The following RFX2 variants were observed in gnomAD, a reference collection of about 807,000 sequenced individuals.
The protein encoded by RFX2 is regulatory factor X2, also known as DNA-binding protein RFX2.
Under a neutral mutation model 87.8 loss-of-function variants are expected in RFX2, and 20 were observed. The observed-to-expected ratio is 0.23, with a 90% CI of 0.16 to 0.33. RFX2 has a LOEUF of 0.33. Ranked by LOEUF, RFX2 falls within the 10% of genes least tolerant of loss-of-function variation. RFX2 has a pLI of 1.00. For synonymous variants in RFX2, 397 were observed against 431.3 expected (o/e 0.92, Z 0.98); for missense variants, 767 against 1,012.3 (o/e 0.76, Z 3.29).
intron 9 of RFX2, among the ~76,000 whole-genome samples, chr19:6,009,416 G>A (rs2086632187): frequency 6.6e-6 from 1 of 152,046 alleles, no homozygotes; most frequent in Non-Finnish European, 1.5e-5. Flanking sequence ...TAAGCCAGCT[G>A]GGGAAGAACG....
At chr19:6,069,972 T>G (rs1270608346) in intron 1 of RFX2, among the ~76,000 whole-genome samples, 8 of 107,724 alleles carry the variant, frequency 7.4e-5, no homozygotes, top group South Asian at 3.0e-4. Flanking sequence ...GACTTGCAAG[T>G]GGATGTTCTT....
chr19:6,043,832 G>A (rs1392172498), intron 3 of RFX2, among the ~76,000 whole-genome samples: 1 of 152,292 alleles, frequency 6.6e-6, no homozygotes, highest in Non-Finnish European at 1.5e-5. Context: ...TGTTGTGCCC[G>A]CATCTGAGGG....
In RFX2 at chr19:6,044,136, G is replaced by T; in HGVS notation, c.180+57C>A. 9.9e-7 allele frequency: 1 copy of T among 1,012,108 alleles called. No individual in the cohort carries two copies. Among genetic ancestry groups the T allele is most frequent in the Non-Finnish European group, 1.3e-6 (1 of 748,024 alleles). 62.7% of individuals were successfully genotyped at this position (1,012,108 alleles called of 1,614,324 possible). A position where few individuals can be genotyped will look rare whatever the true frequency, so the allele number is the denominator to read the frequency against. ...GATGCATCCTTCAGAGATTGTTCTG[G>T]ATTGCTGAGTGCTAACTGCGCCCCG... On this transcript the variant is annotated intron_variant, in intron 3 of 17. Transcript: ENST00000303657. The surrounding 1 kb of genome is among the most constrained non-coding windows in gnomAD (Gnocchi z 5.3).
At chr19:6,028,719 AG>A (rs965958361) in intron 5 of RFX2, among the ~76,000 whole-genome samples, 1 of 152,008 alleles carries the variant, frequency 6.6e-6, no homozygotes, top group Non-Finnish European at 1.5e-5. Flanking sequence ...AAAAAAAAAA[AG>A]ATGAAACTTG....
Position 6,083,548 on chromosome 19 carries a change from G to GT in RFX2, c.-9+26844dup, listed in dbSNP as rs66503447. Among the ~76,000 whole-genome samples the GT allele has an allele frequency of 0.037, 5,371 of 143,524 alleles. 270 individuals are homozygous for GT. Among genetic ancestry groups the GT allele is most frequent in the African/African-American group, 0.12 (4,635 of 39,250 alleles). 94.2% of individuals were successfully genotyped at this position (143,524 alleles called of 152,430 possible). ...TGTGCTAGATGTAGTCTGCTGACCCGTTTTTTTTTTTTTTAATTTTTATTC... is the reference window on the plus strand; with the variant it reads ...TGTGCTAGATGTAGTCTGCTGACCCGTTTTTTTTTTTTTTTAATTTTTATTC... On this transcript the variant is annotated intron_variant, in intron 1 of 17. Transcript: ENST00000303657. The surrounding 1 kb of genome is among the most constrained non-coding windows in gnomAD (Gnocchi z 4.6).
At chr19:6,084,589 A>T (rs1157764127) in intron 1 of RFX2, among the ~76,000 whole-genome samples, 1 of 149,440 alleles carries the variant, frequency 6.7e-6, no homozygotes, top group Non-Finnish European at 1.5e-5. Flanking sequence ...GACTCTAGGG[A>T]CCTCCTAGGG....
In RFX2 at chr19:6,002,947, G is replaced by T; in HGVS notation, c.1501-77C>A. On this transcript the variant is annotated intron_variant, in intron 13 of 17. Transcript: ENST00000303657. This position sits in a 1 kb window ranked among gnomAD's most constrained non-coding sequence, Gnocchi z 6.7. ...GCTGCGCTCCTTGCAGGGGTGTGTG[G>T]GCTCAGGGACAACACAGGGAGGAGG... 2.7e-6 allele frequency: 4 copies of T among 1,495,184 alleles called. No individual in the cohort carries two copies. Among genetic ancestry groups the T allele is most frequent in the Non-Finnish European group, 3.6e-6 (4 of 1,111,594 alleles). The allele number at this position is 1,495,184 out of a possible 1,614,324, so 92.6% of individuals were successfully genotyped here. A position where few individuals can be genotyped will look rare whatever the true frequency, so the allele number is the denominator to read the frequency against.
intron 1 of RFX2, among the ~76,000 whole-genome samples, chr19:6,060,914 C>T (rs1021234402): frequency 3.9e-5 from 6 of 152,170 alleles, no homozygotes; most frequent in African/African-American, 7.2e-5. Flanking sequence ...CACCTGACTC[C>T]GGCTCCCTTC....
chr19:6,104,968 A>G (rs1300256505), intron 1 of RFX2, among the ~76,000 whole-genome samples: 1 of 151,842 alleles, frequency 6.6e-6, no homozygotes, highest in Non-Finnish European at 1.5e-5. Flanking sequence ...AAATACAACA[A>G]TTAGCTGAGC....
rs776608358 is a variant in RFX2 at position 6,013,045 on chromosome 19, C to T, written c.840G>A (p.Arg280=). ...IRLKPDSPLN[R]LQEDTQYMAM... ...CCATGTACTGCGTGTCCTCCTGCAG[C>T]CGGTTCAGTGGTGAGTCCGGCTTCA... is the stretch of plus-strand genomic sequence containing the variant. The change falls in exon 8 of 18, where the codon CGG becomes CGA. Residue 280 remains arginine (R), a synonymous_variant. Transcript: ENST00000303657. This position sits in a 1 kb window ranked among gnomAD's most constrained non-coding sequence, Gnocchi z 4.1. 2.5e-6 allele frequency: 4 copies of T among 1,602,352 alleles called. 1 individual carries two copies. In the South Asian group the frequency reaches 3.4e-5, roughly 13 times the overall value.
chr19:6,040,199 G>A lies in RFX2; in HGVS notation c.303C>T (p.Ala101=). The A allele has an allele frequency of 6.3e-7, 1 of 1,589,956 alleles. No individual in the cohort carries two copies. The highest frequency in any genetic ancestry group is 8.6e-7 in the Non-Finnish European group (1 of 1,161,696). ...YTYNPEPQMY[A]PSSTASYFEA... ...CGAAGTAAGAAGCCGTGCTGCTGGG[G>A]GCGTACATCTGAGGCTCGGGGTTGT... The change falls in exon 5 of 18, where the codon GCC becomes GCT. Residue 101 remains alanine (A), a synonymous_variant. Transcript: ENST00000303657. This position sits in a 1 kb window ranked among gnomAD's most constrained non-coding sequence, Gnocchi z 6.1.
At chr19:6,082,614 G>C (rs2087801397) in intron 1 of RFX2, among the ~76,000 whole-genome samples, 1 of 152,054 alleles carries the variant, frequency 6.6e-6, no homozygotes, top group Admixed American at 6.6e-5. Context: ...TGTATTTTTT[G>C]TAGAGATGAG....
intron 1 of RFX2, chr19:6,068,343 A>G (rs1309348732): frequency 6.6e-6 from 1 of 152,208 alleles, no homozygotes; most frequent in Non-Finnish European, 1.5e-5. Flanking sequence ...CCAGTCATCA[A>G]AACACAATTC....
At chr19:6,067,615 G>A (rs1458381738) in intron 1 of RFX2, among the ~76,000 whole-genome samples, 16 of 152,230 alleles carry the variant, frequency 1.1e-4, no homozygotes, top group Non-Finnish European at 2.1e-4. Flanking sequence ...GTTCTGCCTG[G>A]AGCAGTTCAG....
At position 6,044,341 on chromosome 19, in the gene RFX2, A is replaced by G. The variant is rs1310240101; in HGVS notation, c.91-59T>C. ...TGTCAGAGGTCAGTGCTGAGGATAC[A>G]CACAGAATGTAAGATGCTGTTTGTC... On this transcript the variant is annotated intron_variant, in intron 2 of 17. Coordinates refer to ENST00000303657, the MANE Select transcript of RFX2 (RefSeq NM_000635.4). This position sits in a 1 kb window ranked among gnomAD's most constrained non-coding sequence, Gnocchi z 5.3. 2.3e-5 allele frequency: 24 copies of G among 1,066,038 alleles called. No homozygotes were observed. The highest frequency in any genetic ancestry group is 3.0e-5 in the Non-Finnish European group (23 of 770,396). The allele number at this position is 1,066,038 out of a possible 1,614,324, so 66.0% of individuals were successfully genotyped here.
rs568700518 is a variant in RFX2, at chr19:6,016,544, C to G, written c.598-273G>C. On this transcript the variant is annotated intron_variant, in intron 6 of 17. Coordinates refer to ENST00000303657, the MANE Select transcript of RFX2 (RefSeq NM_000635.4). The surrounding 1 kb of genome is among the most constrained non-coding windows in gnomAD (Gnocchi z 5.4). ...TAGCTGGGATTACAGGTGTCCGACACCACATCTGGCTAGTTTTTGTATTTT... is the reference window on the plus strand; with the variant it reads ...TAGCTGGGATTACAGGTGTCCGACAGCACATCTGGCTAGTTTTTGTATTTT... Among the ~76,000 whole-genome samples, 1 of 152,276 alleles carries G rather than the reference C, an allele frequency of 6.6e-6. No homozygotes were observed. The highest frequency in any genetic ancestry group is 1.9e-4 in the East Asian group (1 of 5,176).
chr19:6,073,517 GA>G, intron 1 of RFX2: 1 of 719,002 alleles, frequency 1.4e-6, no homozygotes, highest in Non-Finnish European at 2.1e-6. Flanking sequence ...GCTGCGCAGT[GA>G]AGAAAATGAG....
intron 1 of RFX2, among the ~76,000 whole-genome samples, chr19:6,062,995 C>T (rs914201508): frequency 9.2e-5 from 14 of 152,148 alleles, no homozygotes; most frequent in African/African-American, 3.4e-4. Flanking sequence ...CCTGTCTGTC[C>T]TTTTCTGGTG....
In RFX2 at chr19:6,086,351, C is replaced by G. The variant is rs905086801; in HGVS notation, c.-9+24042G>C. Among the ~76,000 whole-genome samples the G allele has an allele frequency of 1.3e-5, 2 of 152,152 alleles. 1 individual carries two copies. The highest frequency in any genetic ancestry group is 2.9e-5 in the Non-Finnish European group (2 of 68,038). ...ACAGAAACCTAGACGCTACAACCTA[C>G]GTAGCACACCTGGGCTGTATGGTAT... On this transcript the variant is annotated intron_variant, in intron 1 of 17. Coordinates refer to ENST00000303657, the MANE Select transcript of RFX2 (RefSeq NM_000635.4).
Sources: gnomAD v4.1 joint callset for allele counts (sites outside exome capture counted in the v4.1 genomes callset) on GRCh38, gnomAD v4.1.1 for gene constraint, Gnocchi (gnomAD v3.1) non-coding constraint, MANE v1.5 for transcripts, NCBI Gene and HGNC (gene_info 2026-07-23, HGNC 2026-07-21) for gene names.